The following EYS variants were observed in gnomAD, a reference collection of about 807,000 sequenced individuals.
EYS encodes EGF-like photoreceptor maintenance factor, also known as protein eyes shut homolog.
A neutral mutation model predicts 282.1 loss-of-function variants in EYS; 250 were observed. The ratio of observed to expected loss-of-function variants is 0.89; its 90% confidence interval spans 0.80 to 0.98. EYS has a LOEUF of 0.98. Among genes scored for constraint, EYS ranks in the 50% least tolerant of loss-of-function variants. EYS has a pLI of 0.00. For synonymous variants in EYS, 1,355 were observed against 1,282.9 expected, an observed-to-expected ratio of 1.06 and a Z score of -1.20; for missense variants, 4,016 against 3,709.0, an observed-to-expected ratio of 1.08 and a Z score of -2.15.
intron 22 of EYS, among the ~76,000 whole-genome samples, chr6:64,729,675 G>GT (rs1225208537): frequency 2.0e-5 from 3 of 151,908 alleles, no homozygotes; most frequent in Non-Finnish European, 2.9e-5. Flanking sequence ...AAGTAATCAT[G>GT]TTTTTTTGTC....
chr6:64,936,497 C>T (rs1768910304), intron 15 of EYS, among the ~76,000 whole-genome samples: 1 of 151,326 alleles, frequency 6.6e-6, no homozygotes, highest in Admixed American at 6.6e-5. Context: ...CAGGTAGGAG[C>T]AAAATTGTCT....
chr6:63,901,344 A>C (rs755850672), intron 35 of EYS, among the ~76,000 whole-genome samples: 6 of 152,198 alleles, frequency 3.9e-5, no homozygotes, highest in Non-Finnish European at 8.8e-5. Context: ...AATAGAATGA[A>C]AAAGGATTGA....
chr6:65,492,268 T>G (rs1582372484), intron 4 of EYS, among the ~76,000 whole-genome samples: 1 of 151,260 alleles, frequency 6.6e-6, no homozygotes, highest in East Asian at 1.9e-4. Context: ...TGCTCAAAGC[T>G]TAACGATTTA....
chr6:65,325,359 A>C (rs1326544391), intron 11 of EYS, among the ~76,000 whole-genome samples: 1 of 152,178 alleles, frequency 6.6e-6, no homozygotes, highest in African/African-American at 2.4e-5. Context: ...CAAACGCTGC[A>C]TTTGATACCT....
chr6:65,422,509 A>G (rs1376479109), intron 5 of EYS, among the ~76,000 whole-genome samples: 2 of 151,920 alleles, frequency 1.3e-5, no homozygotes, highest in Non-Finnish European at 2.9e-5. Context: ...AAGAAATTTA[A>G]TAAGAAAAAT....
chr6:65,580,795 T>G (rs1050571876), intron 2 of EYS, among the ~76,000 whole-genome samples: 13 of 152,054 alleles, frequency 8.5e-5, no homozygotes, highest in African/African-American at 2.9e-4. Context: ...AACCAGAAAT[T>G]TATAATGTTA....
chr6:64,283,867 A>G (rs1768398059), intron 30 of EYS, among the ~76,000 whole-genome samples: 1 of 152,072 alleles, frequency 6.6e-6, no homozygotes. Context: ...ATCTCATGAG[A>G]CTTATTCACT....
At chr6:65,592,683 C>A (rs1470732768) in intron 2 of EYS, among the ~76,000 whole-genome samples, 3 of 151,896 alleles carry the variant, frequency 2.0e-5, no homozygotes, top group Non-Finnish European at 4.4e-5. Context: ...ATGCTTGAGG[C>A]CCTGCCATGA....
At chr6:64,535,575 C>CA (rs10554389) in intron 26 of EYS, among the ~76,000 whole-genome samples, 176 of 142,428 alleles carry the variant, frequency 1.2e-3, no homozygotes, top group Admixed American at 1.6e-3. Flanking sequence ...TTGTTTCTAC[C>CA]AAAAAAAAAA....
intron 14 of EYS, among the ~76,000 whole-genome samples, chr6:64,972,896 TA>T (rs1157014273): frequency 1.3e-5 from 2 of 152,048 alleles, no homozygotes; most frequent in Non-Finnish European, 2.9e-5. Flanking sequence ...TTCTTTAGAG[TA>T]AAAAGCCTAC....
intron 4 of EYS, among the ~76,000 whole-genome samples, chr6:65,491,754 C>T (rs187246874): frequency 6.6e-6 from 1 of 152,084 alleles, no homozygotes; most frequent in Non-Finnish European, 1.5e-5. Context: ...CCCACCGCCG[C>T]CAAATTCATA....
intron 37 of EYS, among the ~76,000 whole-genome samples, chr6:63,801,311 G>C (rs1770777453): frequency 6.6e-6 from 1 of 152,158 alleles, no homozygotes; most frequent in Non-Finnish European, 1.5e-5. Flanking sequence ...GTAAAATGGA[G>C]AGATCTTGTG....
intron 2 of EYS, among the ~76,000 whole-genome samples, chr6:65,577,999 C>T (rs1363029749): frequency 1.3e-5 from 2 of 151,636 alleles, no homozygotes; most frequent in African/African-American, 4.8e-5. Context: ...TAGTAAAGAC[C>T]TTATGAAAAA....
chr6:65,688,230 CAGAGATAT>C (rs1769104065), intron 1 of EYS, among the ~76,000 whole-genome samples: 1 of 152,136 alleles, frequency 6.6e-6, no homozygotes, highest in Non-Finnish European at 1.5e-5. Flanking sequence ...GGTACCAAAA[CAGAGATAT>C]AGACTAATGG....
chr6:65,274,668 G>T (rs998241177), intron 12 of EYS, among the ~76,000 whole-genome samples: 3 of 152,070 alleles, frequency 2.0e-5, no homozygotes, highest in Non-Finnish European at 4.4e-5. Flanking sequence ...CTTTCTATAA[G>T]ATATCATGCT....
At chr6:64,207,345 G>A (rs1355897981) in intron 31 of EYS, among the ~76,000 whole-genome samples, 1 of 151,950 alleles carries the variant, frequency 6.6e-6, no homozygotes, top group Admixed American at 6.6e-5. Context: ...CTCAATCTTG[G>A]CCTTCCAAGG....
intron 8 of EYS, among the ~76,000 whole-genome samples, chr6:65,364,537 T>TAA (rs5876960): frequency 0.68 from 102,121 of 150,832 alleles, 34,822 homozygotes; most frequent in South Asian, 0.71. Context: ...TGGACTATAT[T>TAA]AAAAATATTA....
chr6:64,666,969 A>G (rs1769253913), intron 22 of EYS, among the ~76,000 whole-genome samples: 1 of 152,086 alleles, frequency 6.6e-6, no homozygotes, highest in Admixed American at 6.6e-5. Context: ...ATCAATGGGC[A>G]GACCAGAATA....
chr6:65,300,259 T>C (rs751617392), intron 11 of EYS, among the ~76,000 whole-genome samples: 5 of 152,130 alleles, frequency 3.3e-5, no homozygotes, highest in Non-Finnish European at 5.9e-5. Context: ...ACTCTTCACC[T>C]TCATCCTGGG....
Sources: gnomAD v4.1 joint callset for allele counts (sites outside exome capture counted in the v4.1 genomes callset) on GRCh38, gnomAD v4.1.1 for gene constraint, MANE v1.5 for transcripts, NCBI Gene and HGNC (gene_info 2026-07-23, HGNC 2026-07-21) for gene names.